Variants in SLC25A48 observed in about 807,000 individuals in gnomAD.
The protein encoded by SLC25A48 is solute carrier family 25 member 48.
Under a neutral mutation model 32.2 loss-of-function variants are expected in SLC25A48, and 29 were observed. That is an observed-to-expected ratio of 0.90 (90% CI 0.67 to 1.23). SLC25A48 has a LOEUF of 1.23. SLC25A48 is among the 50% of genes most tolerant of loss of function. SLC25A48 has a pLI of 0.00. For synonymous variants in SLC25A48, 164 were observed against 172.3 expected (o/e 0.95, Z 0.38); for missense variants, 399 against 422.7 (o/e 0.94, Z 0.49).
chr5:135,803,213 T>C (rs1757376645), intron 3 of SLC25A48: 1 of 151,500 alleles, frequency 6.6e-6, no homozygotes, highest in Admixed American at 6.6e-5. Context: ...CTCTGTATGA[T>C]GTTATTTATA....
intron 3 of SLC25A48, among the ~76,000 whole-genome samples, chr5:135,740,188 GTA>G (rs939915968): frequency 1.3e-5 from 2 of 151,150 alleles, no homozygotes; most frequent in South Asian, 2.1e-4. Context: ...GTGTGTGTAT[GTA>G]TATATATATA....
chr5:135,860,218 G>A (rs973647635), intron 4 of SLC25A48, among the ~76,000 whole-genome samples: 4 of 152,178 alleles, frequency 2.6e-5, no homozygotes, highest in East Asian at 1.9e-4. Flanking sequence ...TTTTGCAAAG[G>A]TAGTTTCATA....
intron 3 of SLC25A48, among the ~76,000 whole-genome samples, chr5:135,780,442 G>A (rs539636819): frequency 8.6e-6 from 1 of 116,570 alleles, no homozygotes; most frequent in East Asian, 2.2e-4. Context: ...CAGTATCGTA[G>A]GGGGTGTACA....
At chr5:135,821,498 C>A (rs927743760) in intron 4 of SLC25A48, among the ~76,000 whole-genome samples, 1 of 152,170 alleles carries the variant, frequency 6.6e-6, no homozygotes, top group African/African-American at 2.4e-5. Context: ...CCTTCCTGAC[C>A]ATCTACTGGA....
chr5:135,863,722 C>T (rs527326454), intron 4 of SLC25A48, among the ~76,000 whole-genome samples: 56 of 152,122 alleles, frequency 3.7e-4, no homozygotes, highest in Non-Finnish European at 7.4e-4. Flanking sequence ...ACATAACTAT[C>T]CCTTGGGGAG....
chr5:135,735,225 T>C (rs1561468874), intron 3 of SLC25A48, among the ~76,000 whole-genome samples: 2 of 152,206 alleles, frequency 1.3e-5, no homozygotes. Flanking sequence ...GAGATGTAGC[T>C]GGGATTTTGT....
chr5:135,634,019 T>C (rs142422900), intron 2 of SLC25A48, among the ~76,000 whole-genome samples: 1 of 152,308 alleles, frequency 6.6e-6, no homozygotes, highest in African/African-American at 2.4e-5. Context: ...TAAATTAGAA[T>C]TGGGCAAGGC....
At chr5:135,805,493 G>T in intron 3 of SLC25A48, among the ~76,000 whole-genome samples, 1 of 151,276 alleles carries the variant, frequency 6.6e-6, no homozygotes, top group East Asian at 1.9e-4. Flanking sequence ...AACCCAAGGA[G>T]ATATTACTCC....
chr5:135,874,030 C>A lies in SLC25A48; in HGVS notation c.689C>A (p.Ser230Tyr). ...WLAGGMAGAI[S>Y]WGTATPMDVV... ...TTCTTTCTCTTTGCAGGAGCAATTT[C>A]TTGGGGGACAGCGACTCCTATGGAT... The change falls in exon 6 of 8, where the codon TCT (serine) becomes TAT (tyrosine). Residue 230 changes from serine (S) to tyrosine (Y), a missense_variant. By Grantham distance (144) the Ser-to-Tyr change is moderately radical. Transcript: ENST00000681962. 1 of 1,532,992 alleles carries A rather than the reference C, an allele frequency of 6.5e-7. No homozygotes were observed. The highest frequency in any genetic ancestry group is 8.7e-7 in the Non-Finnish European group (1 of 1,145,798). 95.0% of individuals were successfully genotyped at this position (1,532,992 alleles called of 1,614,324 possible). A position where few individuals can be genotyped will look rare whatever the true frequency, so the allele number is the denominator to read the frequency against.
chr5:135,735,755 T>A (rs1343961830), intron 3 of SLC25A48, among the ~76,000 whole-genome samples: 1 of 152,200 alleles, frequency 6.6e-6, no homozygotes, highest in Admixed American at 6.5e-5. Context: ...GAAGTTAGGA[T>A]GACATTTAAG....
chr5:135,850,382 G>A, intron 2 of SLC25A48, 43 bp from the exon 3 acceptor site: 2 of 1,599,822 alleles, frequency 1.3e-6, no homozygotes, highest in African/African-American at 1.3e-5. Context: ...GTGGGGCTAT[G>A]AATAACCTCT....
chr5:135,837,416 A>G (rs1758628307), intron 1 of SLC25A48, among the ~76,000 whole-genome samples: 1 of 152,100 alleles, frequency 6.6e-6, no homozygotes, highest in Non-Finnish European at 1.5e-5. Flanking sequence ...CTACTAACAC[A>G]GATATTTCCT....
intron 3 of SLC25A48, among the ~76,000 whole-genome samples, chr5:135,694,246 T>C (rs1754216205): frequency 6.6e-6 from 1 of 152,304 alleles, no homozygotes; most frequent in African/African-American, 2.4e-5. Flanking sequence ...ACTATTTTTA[T>C]TGAACCGCTG....
intron 1 of SLC25A48, 156 bp downstream of exon 1, chr5:135,835,049 G>A: frequency 1.1e-6 from 1 of 908,328 alleles, no homozygotes; most frequent in South Asian, 1.4e-5. Context: ...AGATCCCCCT[G>A]GTGGTCTTGC....
intron 3 of SLC25A48, among the ~76,000 whole-genome samples, chr5:135,699,511 G>A (rs1754342018): frequency 2.0e-5 from 3 of 152,158 alleles, no homozygotes; most frequent in Admixed American, 2.0e-4. Flanking sequence ...TGATGGAAAA[G>A]TTGCCTCTGG....
chr5:135,867,156 T>C (rs1761267116), intron 4 of SLC25A48, among the ~76,000 whole-genome samples: 1 of 152,200 alleles, frequency 6.6e-6, no homozygotes, highest in Non-Finnish European at 1.5e-5. Flanking sequence ...TTAGAGAAAT[T>C]AGGTACACTT....
At chr5:135,834,148 C>T (rs1758316274), upstream of SLC25A48, among the ~76,000 whole-genome samples, 2 of 152,320 alleles carry the variant, frequency 1.3e-5, no homozygotes, top group African/African-American at 4.8e-5. Context: ...GTAGGGTCTG[C>T]CTACAGAGAG....
At chr5:135,838,265 G>A (rs1459729619) in intron 1 of SLC25A48, among the ~76,000 whole-genome samples, 2 of 152,228 alleles carry the variant, frequency 1.3e-5, no homozygotes, top group African/African-American at 4.8e-5. Context: ...AAGCATTCAA[G>A]ATGTGATTTT....
intron 4 of SLC25A48, among the ~76,000 whole-genome samples, chr5:135,854,472 C>T (rs1462919361): frequency 6.6e-6 from 1 of 152,224 alleles, no homozygotes; most frequent in Non-Finnish European, 1.5e-5. Flanking sequence ...CTTGCTGCTT[C>T]ACCTTGCACT....
Sources: allele counts gnomAD v4.1 joint callset (sites outside exome capture counted in the v4.1 genomes callset), GRCh38; gene constraint gnomAD v4.1.1; transcripts MANE v1.5; gene names NCBI Gene and HGNC (gene_info 2026-07-23, HGNC 2026-07-21).